TLN2: variants seen among roughly 807,000 people sequenced by gnomAD.
TLN2 encodes talin-2.
In TLN2, 118 loss-of-function variants were observed where a neutral mutation model predicts 294.7. That is an observed-to-expected ratio of 0.40 (90% CI 0.34 to 0.47). The LOEUF is 0.47. Ranked by LOEUF, TLN2 falls within the 20% of genes least tolerant of loss-of-function variation. TLN2 has a pLI of 0.84. For missense variants in TLN2, 3,083 were observed against 3,282.2 expected, an observed-to-expected ratio of 0.94 and a Z score of 1.48; for synonymous variants, 1,431 against 1,304.5, an observed-to-expected ratio of 1.10 and a Z score of -2.09.
At chr15:62,416,745 G>T (rs975010072) in intron 1 of TLN2, among the ~76,000 whole-genome samples, 1 of 152,198 alleles carries the variant, frequency 6.6e-6, no homozygotes, top group African/African-American at 2.4e-5. Flanking sequence ...GAGGAGGGTG[G>T]CTTGAATGTC....
intron 22 of TLN2, among the ~76,000 whole-genome samples, chr15:62,715,278 C>T (rs934367625): frequency 8.6e-5 from 13 of 152,034 alleles, no homozygotes; most frequent in African/African-American, 2.9e-4. Flanking sequence ...GAAATCTAGA[C>T]GTTTAGAAAA....
intron 1 of TLN2, among the ~76,000 whole-genome samples, chr15:62,512,071 G>A (rs1342691142): frequency 6.6e-6 from 1 of 152,128 alleles, no homozygotes; most frequent in African/African-American, 2.4e-5. Context: ...CAGTCACAAA[G>A]TTGCTTTGCC....
intron 42 of TLN2, among the ~76,000 whole-genome samples, chr15:62,774,892 G>A (rs986369106): frequency 6.6e-6 from 1 of 151,814 alleles, no homozygotes; most frequent in African/African-American, 2.4e-5. Context: ...CTTGGCAAGC[G>A]GTGCTCCTGT....
chr15:62,440,678 G>A (rs945546082), intron 1 of TLN2, among the ~76,000 whole-genome samples: 5 of 152,078 alleles, frequency 3.3e-5, no homozygotes, highest in Non-Finnish European at 7.4e-5. Flanking sequence ...CTGGATCCCC[G>A]CAGCAGGAAT....
chr15:62,475,725 G>A (rs1226176522), intron 1 of TLN2, among the ~76,000 whole-genome samples: 1 of 151,994 alleles, frequency 6.6e-6, no homozygotes, highest in African/African-American at 2.4e-5. Flanking sequence ...CTTTGTTTTT[G>A]ACGAAAACCA....
At chr15:62,768,455 C>T (rs2063155719) in intron 41 of TLN2, among the ~76,000 whole-genome samples, 1 of 152,134 alleles carries the variant, frequency 6.6e-6, no homozygotes, top group Non-Finnish European at 1.5e-5. Context: ...ATTTAGAGCC[C>T]GTCCCGGTAA....
Position 62,544,799 on chromosome 15 carries a change from A to C in TLN2, c.-237-44888A>C, listed in dbSNP as rs190847148. On this transcript the variant is annotated intron_variant, in intron 1 of 58. Transcript: ENST00000636159. ...TTCCATTCCTAGAATGGCAGGTTCT[A>C]ATGGAAGTAAGAGATGGTGTCAGGA... Among the ~76,000 whole-genome samples the C allele has an allele frequency of 9.7e-4, 146 of 150,964 alleles. 1 individual carries two copies. The highest frequency in any genetic ancestry group is 3.4e-3 in the Middle Eastern group (1 of 290).
At chr15:62,419,636 CT>C (rs896500840) in intron 1 of TLN2, among the ~76,000 whole-genome samples, 60 of 116,446 alleles carry the variant, frequency 5.2e-4, no homozygotes, top group African/African-American at 9.8e-4. Flanking sequence ...AAGCAGAGGT[CT>C]TTTTTTTTTG....
intron 32 of TLN2, among the ~76,000 whole-genome samples, chr15:62,744,599 T>C (rs1439096856): frequency 6.6e-6 from 1 of 152,004 alleles, no homozygotes; most frequent in African/African-American, 2.4e-5. Flanking sequence ...CAGGCTGGAG[T>C]GCAGAGGCGC....
intron 45 of TLN2, 117 bp downstream of exon 45, chr15:62,784,007 A>G (rs1469752964): frequency 6.5e-7 from 1 of 1,536,666 alleles, no homozygotes; most frequent in Admixed American, 1.7e-5. Flanking sequence ...ACCAGAGCCC[A>G]GTTTATTTCC....
intron 1 of TLN2, among the ~76,000 whole-genome samples, chr15:62,398,487 TG>T (rs2032746561): frequency 1.3e-5 from 2 of 152,144 alleles, no homozygotes; most frequent in Admixed American, 1.3e-4. Context: ...GAAGTGACAT[TG>T]GAACAGTTTG....
In TLN2 at chr15:62,695,882, G is replaced by A. The variant is rs140607445; in HGVS notation, c.1292+1490G>A. 1.6e-3 allele frequency among the ~76,000 whole-genome samples: 237 copies of A among 152,260 alleles called. 1 individual carries two copies. The highest frequency in any genetic ancestry group is 5.2e-3 in the African/African-American group (218 of 41,550). ...GCTGTGCTTTGCTTCCCATAGGAGC[G>A]GCCCAGTAAGTGTCTGAGCCCAGAG... On this transcript the variant is annotated intron_variant, in intron 14 of 58. Coordinates refer to ENST00000636159, the MANE Select transcript of TLN2 (RefSeq NM_015059.3).
intron 52 of TLN2, among the ~76,000 whole-genome samples, chr15:62,813,425 A>C (rs537497292): frequency 6.6e-6 from 1 of 152,366 alleles, no homozygotes; most frequent in Non-Finnish European, 1.5e-5. Flanking sequence ...ACTAATAGGA[A>C]GAAAAGCTAA....
rs1196922874 is a variant in TLN2, at chr15:62,727,197, C to T, written c.3358+8C>T. ...GCAACGAACACTACACAGGTGAGACCCACGCCCTTCATGCCACTGTGGCCA... is the reference window on the plus strand; with the variant it reads ...GCAACGAACACTACACAGGTGAGACTCACGCCCTTCATGCCACTGTGGCCA... On this transcript the variant is annotated splice_region_variant and intron_variant, in intron 28 of 58. Coordinates refer to ENST00000636159, the MANE Select transcript of TLN2 (RefSeq NM_015059.3). 6.2e-7 allele frequency: 1 copy of T among 1,610,574 alleles called. No homozygotes were observed. The highest frequency in any genetic ancestry group is 1.7e-5 in the Admixed American group (1 of 59,664).
intron 42 of TLN2, among the ~76,000 whole-genome samples, chr15:62,772,399 G>T (rs1229057521): frequency 6.6e-6 from 1 of 152,080 alleles, no homozygotes; most frequent in African/African-American, 2.4e-5. Context: ...AAGTTGAGTT[G>T]CTGAAGTGGT....
chr15:62,573,177 A>C (rs1378026010), intron 1 of TLN2, among the ~76,000 whole-genome samples: 1 of 152,158 alleles, frequency 6.6e-6, no homozygotes, highest in East Asian at 1.9e-4. Context: ...GACATGCTCT[A>C]TCCACCTTGA....
chr15:62,639,731 G>A (rs2050791113), intron 3 of TLN2, among the ~76,000 whole-genome samples: 1 of 152,146 alleles, frequency 6.6e-6, no homozygotes, highest in Non-Finnish European at 1.5e-5. Context: ...ACCGAGACTA[G>A]GGGAGCCTCT....
intron 1 of TLN2, among the ~76,000 whole-genome samples, chr15:62,518,685 C>T (rs1171645900): frequency 3.9e-5 from 6 of 152,076 alleles, no homozygotes; most frequent in African/African-American, 1.4e-4. Flanking sequence ...GCAACCTCTG[C>T]CTCCCAGCTT....
rs768069875 is a variant in TLN2 at position 62,719,722 on chromosome 15, C to T, written c.2878-45C>T. ...TCATGGTCTAGCTTCTTTGGATGGT[C>T]CCACCATTCTAGCCATGCTGTTTTT... On this transcript the variant is annotated intron_variant, in intron 24 of 58. Coordinates refer to ENST00000636159, the MANE Select transcript of TLN2 (RefSeq NM_015059.3). The T allele has an allele frequency of 1.5e-5, 22 of 1,468,780 alleles. 1 individual carries two copies. In the South Asian group the frequency reaches 2.9e-4, roughly 20 times the overall value. 91.0% of individuals were successfully genotyped at this position (1,468,780 alleles called of 1,614,324 possible). A position where few individuals can be genotyped will look rare whatever the true frequency, so the allele number is the denominator to read the frequency against.
Sources: allele counts gnomAD v4.1 joint callset (sites outside exome capture counted in the v4.1 genomes callset), GRCh38; gene constraint gnomAD v4.1.1; transcripts MANE v1.5; gene names NCBI Gene and HGNC (gene_info 2026-07-23, HGNC 2026-07-21).